ATP11C: variants seen among roughly 807,000 people sequenced by gnomAD.
ATP11C encodes ATPase phospholipid transporting 11C (ATP11C blood group).
In ATP11C, 36 loss-of-function variants were observed where a neutral mutation model predicts 97.4. The observed-to-expected ratio is 0.37, with a 90% CI of 0.28 to 0.49. The LOEUF (loss-of-function observed/expected upper bound fraction) is 0.49. Ranked by LOEUF, ATP11C falls within the 20% of genes least tolerant of loss-of-function variation. The pLI is 0.98. For synonymous variants in ATP11C, 275 were observed against 290.9 expected, an observed-to-expected ratio of 0.95 and a Z score of 0.56; for missense variants, 730 against 824.6, an observed-to-expected ratio of 0.89 and a Z score of 1.40.
chrX:139,845,323 A>G (rs2083892770), intron 1 of ATP11C, among the ~76,000 whole-genome samples: 2 of 112,290 alleles, frequency 1.8e-5, no homozygotes, highest in African/African-American at 3.2e-5. Context: ...AGGAACCCCT[A>G]CAGAGATTTG....
intron 1 of ATP11C, among the ~76,000 whole-genome samples, chrX:139,877,914 T>C (rs1281787639): frequency 1.8e-5 from 2 of 110,838 alleles, no homozygotes; most frequent in Admixed American, 9.6e-5. Flanking sequence ...TCCCAGCTAC[T>C]TGGAAGGCTG....
chrX:139,874,746 T>C, intron 1 of ATP11C, among the ~76,000 whole-genome samples: 1 of 111,644 alleles, frequency 9.0e-6, no homozygotes, highest in East Asian at 2.8e-4. Flanking sequence ...TCTCCGGAGG[T>C]GAGGCTTAGA....
chrX:139,785,367 TG>T, intron 15 of ATP11C, 68 bp from the exon 16 acceptor site: 2 of 788,363 alleles, frequency 2.5e-6, no homozygotes, highest in Non-Finnish European at 3.8e-6. Flanking sequence ...AACAGAAATA[TG>T]TTAAGATATT....
chrX:139,745,653 C>A lies in ATP11C; in HGVS notation c.2964+69G>T, dbSNP rs2081665837. 2 of 1,113,201 alleles carry A rather than the reference C, an allele frequency of 1.8e-6. 1 individual carries two copies. Among genetic ancestry groups the A allele is most frequent in the Non-Finnish European group, 2.4e-6 (2 of 833,111 alleles). 91.7% of individuals were successfully genotyped at this position (1,113,201 alleles called of 1,213,427 possible). A position where few individuals can be genotyped will look rare whatever the true frequency, so the allele number is the denominator to read the frequency against. On this transcript the variant is annotated intron_variant, in intron 25 of 29. Coordinates refer to ENST00000682941, the MANE Select transcript of ATP11C (RefSeq NM_001353812.2). Reference sequence around the variant, plus strand: ...CAGCTAGAGTATGTATATGACAAATCCAGCACCTATGGGAAAAAGACAAGC... The same window carrying A: ...CAGCTAGAGTATGTATATGACAAATACAGCACCTATGGGAAAAAGACAAGC...
At chrX:139,917,752 T>A (rs1321219823) in intron 1 of ATP11C, among the ~76,000 whole-genome samples, 4 of 110,593 alleles carry the variant, frequency 3.6e-5, no homozygotes, top group African/African-American at 1.3e-4. Context: ...GGTCAGGAGT[T>A]CGAGACCAGC....
intron 5 of ATP11C, among the ~76,000 whole-genome samples, chrX:139,813,505 C>T (rs1042376829): frequency 2.7e-5 from 3 of 112,114 alleles, no homozygotes; most frequent in African/African-American, 9.7e-5. Context: ...ATTGCCAAAA[C>T]TCGGAGGCAA....
At chrX:139,890,566 G>C (rs897969091) in intron 1 of ATP11C, among the ~76,000 whole-genome samples, 12 of 111,591 alleles carry the variant, frequency 1.1e-4, no homozygotes, top group African/African-American at 3.9e-4. Flanking sequence ...ATCCATTTAA[G>C]TACCATTATC....
rs758225899 is a variant in ATP11C, at chrX:139,763,436, A to G, written c.2392-18T>C. 1.3e-5 allele frequency: 15 copies of G among 1,143,425 alleles called. No individual in the cohort carries two copies. The highest frequency in any genetic ancestry group is 2.4e-4 in the Middle Eastern group (1 of 4,208). 94.2% of individuals were successfully genotyped at this position (1,143,425 alleles called of 1,213,427 possible). ...CTGACAATCTAAATATTAAATACAAAAGAGGTGTAAAAAAGGTCAAAGAAG... is the reference window on the plus strand; with the variant it reads ...CTGACAATCTAAATATTAAATACAAGAGAGGTGTAAAAAAGGTCAAAGAAG... On this transcript the variant is annotated intron_variant, in intron 20 of 29. Transcript: ENST00000682941.
At chrX:139,893,469 A>G (rs1363592920) in intron 1 of ATP11C, among the ~76,000 whole-genome samples, 2 of 112,292 alleles carry the variant, frequency 1.8e-5, no homozygotes, top group Non-Finnish European at 3.8e-5. Context: ...TCATATCTAG[A>G]AAAAAGAATT....
At chrX:139,834,009 C>A (rs756056723) in intron 1 of ATP11C, among the ~76,000 whole-genome samples, 1 of 111,812 alleles carries the variant, frequency 8.9e-6, no homozygotes, top group South Asian at 3.8e-4. Flanking sequence ...ACTCTAGCAA[C>A]TGGGCCAGCA....
Position 139,852,568 on chromosome X carries a change from C to A in ATP11C, c.28-25745G>T, listed in dbSNP as rs1603401613. Among the ~76,000 whole-genome samples the A allele has an allele frequency of 5.0e-5, 5 of 100,075 alleles. No individual in the cohort carries two copies. The Admixed American group carries it at 5.8e-4, about 12-fold the overall frequency. 86.9% of individuals were successfully genotyped at this position (100,075 alleles called of 115,157 possible). The stretch of plus-strand genomic sequence containing the variant: ...ACCAAGGAAGGATAAGCCGCGGGAG[C>A]CGTAAAGTACTTCCTTGGTGGTCAA... On this transcript the variant is annotated intron_variant, in intron 1 of 29. Coordinates refer to ENST00000682941, the MANE Select transcript of ATP11C (RefSeq NM_001353812.2).
chrX:139,929,346 T>C (rs758372975), intron 1 of ATP11C, among the ~76,000 whole-genome samples: 13 of 112,091 alleles, frequency 1.2e-4, no homozygotes, highest in South Asian at 3.6e-4. Flanking sequence ...AACACAGTTA[T>C]TAATGGCAAA....
At chrX:139,814,827 TA>T in intron 5 of ATP11C, 50 bp downstream of exon 5, 2 of 725,737 alleles carry the variant, frequency 2.8e-6, no homozygotes, top group Non-Finnish European at 4.1e-6. Flanking sequence ...TTATACACTT[TA>T]AAATGGTGTA....
At chrX:139,929,908 T>A (rs6635927) in intron 1 of ATP11C, among the ~76,000 whole-genome samples, 6,438 of 110,790 alleles carry the variant, frequency 0.058, 447 homozygotes, top group African/African-American at 0.2. Flanking sequence ...TTTGAAGCCG[T>A]TTTTTAGCAA....
intron 1 of ATP11C, among the ~76,000 whole-genome samples, chrX:139,897,151 G>A (rs2084822986): frequency 9.1e-6 from 1 of 109,940 alleles, no homozygotes; most frequent in African/African-American, 3.3e-5. Context: ...TACTTGAAAC[G>A]GGAGGCCAAG....
chrX:139,772,990 T>C (rs1038655828), intron 19 of ATP11C, among the ~76,000 whole-genome samples: 1 of 110,340 alleles, frequency 9.1e-6, no homozygotes, highest in Non-Finnish European at 1.9e-5. Context: ...TTTGGTTGTG[T>C]CCCCACCCAA....
At chrX:139,801,079 C>A (rs1052571920) in intron 7 of ATP11C, among the ~76,000 whole-genome samples, 1 of 112,273 alleles carries the variant, frequency 8.9e-6, no homozygotes, top group Non-Finnish European at 1.9e-5. Flanking sequence ...GGAATTCAAT[C>A]GTCTAAGGAA....
intron 2 of ATP11C, among the ~76,000 whole-genome samples, chrX:139,820,174 A>G (rs2083375345): frequency 9.5e-6 from 1 of 104,781 alleles, no homozygotes; most frequent in Admixed American, 1.0e-4. Context: ...CAACAGAGCG[A>G]GAATGAGACT....
chrX:139,767,359 A>T (rs1393162320), intron 20 of ATP11C, among the ~76,000 whole-genome samples: 2 of 111,649 alleles, frequency 1.8e-5, no homozygotes, highest in Non-Finnish European at 3.8e-5. Context: ...GAGAGCTATG[A>T]CAAAAGGTAG....
Sources: allele counts gnomAD v4.1 joint callset (sites outside exome capture counted in the v4.1 genomes callset), GRCh38; gene constraint gnomAD v4.1.1; transcripts MANE v1.5; gene names NCBI Gene and HGNC (gene_info 2026-07-23, HGNC 2026-07-21).